The following UBE2G1 variants were observed in gnomAD, a reference collection of about 807,000 sequenced individuals.
UBE2G1 encodes ubiquitin-conjugating enzyme E2 G1.
A neutral mutation model predicts 22.7 loss-of-function variants in UBE2G1; 5 were observed. The ratio of observed to expected loss-of-function variants is 0.22; its 90% CI spans 0.12 to 0.46. UBE2G1 has a LOEUF of 0.46. UBE2G1 is among the 20% of genes least tolerant of loss of function. The pLI is 0.99. For synonymous variants in UBE2G1, 74 were observed against 67.5 expected, an observed-to-expected ratio of 1.10 and a Z score of -0.47; for missense variants, 88 against 203.9, an observed-to-expected ratio of 0.43 and a Z score of 3.46.
intron 4 of UBE2G1, among the ~76,000 whole-genome samples, 177 bp from the exon 5 acceptor site, chr17:4,283,098 C>T (rs149524892): frequency 5.5e-4 from 84 of 152,300 alleles, no homozygotes; most frequent in Middle Eastern, 3.4e-3. Flanking sequence ...CCAGGATATA[C>T]AGGCAGAAAT....
At chr17:4,284,536 G>A (rs1168836201) in intron 4 of UBE2G1, among the ~76,000 whole-genome samples, 3 of 151,614 alleles carry the variant, frequency 2.0e-5, no homozygotes, top group African/African-American at 7.3e-5. Flanking sequence ...GGGAGGCAAA[G>A]GTTGCAGTGA....
intron 5 of UBE2G1, among the ~76,000 whole-genome samples, chr17:4,281,898 C>A (rs1024549441): frequency 2.0e-5 from 3 of 152,128 alleles, no homozygotes. Context: ...GACCAAATAA[C>A]CCACATGTGA....
chr17:4,276,188 G>T (rs564179709), intron 5 of UBE2G1, among the ~76,000 whole-genome samples: 1 of 151,828 alleles, frequency 6.6e-6, no homozygotes, highest in South Asian at 2.1e-4. Context: ...TCCCACTGAA[G>T]CCCCCCCGCC....
At chr17:4,303,086 G>A (rs1969204833) in intron 2 of UBE2G1, among the ~76,000 whole-genome samples, 1 of 152,032 alleles carries the variant, frequency 6.6e-6, no homozygotes, top group African/African-American at 2.4e-5. Context: ...AAAAAATTGT[G>A]ACAGACATTC....
chr17:4,302,052 G>C (rs1166835464), intron 2 of UBE2G1: 1 of 499,678 alleles, frequency 2.0e-6, no homozygotes, highest in African/African-American at 2.0e-5. Context: ...AAAAAAGGGG[G>C]GGGAAGTTTT....
At position 4,289,350 on chromosome 17, in the gene UBE2G1, A is replaced by G. The variant is rs201891793; in HGVS notation, c.306T>C (p.Tyr102=). ...SILHEPGEDK[Y]GYEKPEERWL... Reference sequence around the variant, plus strand: ...AGCGTTCCTCTGGCTTTTCATAACCATACTTATCTTCCCCAGGCTCATGAA... The same window carrying G: ...AGCGTTCCTCTGGCTTTTCATAACCGTACTTATCTTCCCCAGGCTCATGAA... The change falls in exon 4 of 6, where the codon TAT becomes TAC. Residue 102 remains tyrosine, a synonymous_variant. Coordinates refer to ENST00000396981, the MANE Select transcript of UBE2G1 (RefSeq NM_003342.5). 10 of 1,595,702 alleles carry G rather than the reference A, an allele frequency of 6.3e-6. No individual in the cohort carries two copies. The East Asian group carries it at 1.8e-4, about 29-fold the overall frequency.
intron 1 of UBE2G1, among the ~76,000 whole-genome samples, chr17:4,331,030 A>G (rs1420135603): frequency 2.0e-5 from 3 of 147,082 alleles, no homozygotes; most frequent in Admixed American, 1.4e-4. Flanking sequence ...CAAGGTGTTC[A>G]CCTTTCTTGG....
chr17:4,366,167 G>T, intron 1 of UBE2G1, 104 bp downstream of exon 1: 1 of 1,248,862 alleles, frequency 8.0e-7, no homozygotes, highest in Non-Finnish European at 1.1e-6. Flanking sequence ...GCAGGCCCGG[G>T]CCCCTTCGGC....
At chr17:4,363,970 A>T (rs1399196273) in intron 1 of UBE2G1, among the ~76,000 whole-genome samples, 1 of 148,092 alleles carries the variant, frequency 6.8e-6, no homozygotes, top group Non-Finnish European at 1.5e-5. Flanking sequence ...AAAAAAAAAA[A>T]AAAAAAAGAT....
chr17:4,347,415 T>C (rs1381681537), intron 1 of UBE2G1, among the ~76,000 whole-genome samples: 1 of 151,726 alleles, frequency 6.6e-6, no homozygotes, highest in Non-Finnish European at 1.5e-5. Context: ...TCCAACATCA[T>C]GTGCTCACTT....
rs186798826 is a variant in UBE2G1, at chr17:4,313,327, G to A, written c.47-6204C>T. Among the ~76,000 whole-genome samples, 10 of 152,270 alleles carry A rather than the reference G, an allele frequency of 6.6e-5. No individual in the cohort carries two copies. In the East Asian group the frequency reaches 1.7e-3, roughly 26 times the overall value. On this transcript the variant is annotated intron_variant, in intron 1 of 5. Transcript: ENST00000396981. ...ACTGGGAAAGAATATTTGCAAAATA[G>A]GGAGAAGTTTAAAATTCCTAATACA...
intron 1 of UBE2G1, among the ~76,000 whole-genome samples, chr17:4,331,172 T>C (rs1290652796): frequency 6.6e-6 from 1 of 152,190 alleles, no homozygotes; most frequent in African/African-American, 2.4e-5. Flanking sequence ...AGCAAAGCCT[T>C]TCTAGAAGGC....
At chr17:4,345,844 AG>A (rs1461619905) in intron 1 of UBE2G1, 2 of 152,214 alleles carry the variant, frequency 1.3e-5, no homozygotes, top group East Asian at 1.9e-4. Context: ...AACAGATTCC[AG>A]GGACTCAAAA....
At chr17:4,362,992 G>A (rs1310561984) in intron 1 of UBE2G1, among the ~76,000 whole-genome samples, 2 of 152,084 alleles carry the variant, frequency 1.3e-5, no homozygotes, top group African/African-American at 4.8e-5. Context: ...ACACAGTGGA[G>A]GGCTTCTGTA....
intron 1 of UBE2G1, among the ~76,000 whole-genome samples, chr17:4,342,098 C>A (rs2143799297): frequency 6.6e-6 from 1 of 152,312 alleles, no homozygotes; most frequent in Non-Finnish European, 1.5e-5. Flanking sequence ...TAAGCTAAAC[C>A]TCCTCACTGA....
chr17:4,362,920 C>T (rs1023275087), intron 1 of UBE2G1, among the ~76,000 whole-genome samples: 2 of 151,956 alleles, frequency 1.3e-5, no homozygotes, highest in Admixed American at 6.6e-5. Flanking sequence ...GTCAGGAGTT[C>T]GAGACCAGCC....
chr17:4,293,964 C>CAA lies in UBE2G1; in HGVS notation c.247+2751_247+2752dup, dbSNP rs1339743142. 4.6e-5 allele frequency among the ~76,000 whole-genome samples: 7 copies of CAA among 152,148 alleles called. No homozygotes were observed. In the East Asian group the frequency reaches 1.3e-3, roughly 29 times the overall value. ...CCAATCTTCTATGAGTGTAATCTTT[C>CAA]AAGAAGGAAAATATAAGAGAAACCT... On this transcript the variant is annotated intron_variant, in intron 3 of 5. Transcript: ENST00000396981.
At chr17:4,290,051 C>T (rs1969015345) in intron 3 of UBE2G1, among the ~76,000 whole-genome samples, 1 of 151,960 alleles carries the variant, frequency 6.6e-6, no homozygotes. Flanking sequence ...TTTTAGGAGA[C>T]ATGTATTGAC....
intron 2 of UBE2G1, among the ~76,000 whole-genome samples, chr17:4,300,570 TA>T (rs1279308840): frequency 1.3e-5 from 2 of 151,858 alleles, no homozygotes; most frequent in African/African-American, 2.4e-5. Context: ...AATAAATAAA[TA>T]AAATAAAATT....
Sources: gnomAD v4.1 joint callset for allele counts (sites outside exome capture counted in the v4.1 genomes callset) on GRCh38, gnomAD v4.1.1 for gene constraint, MANE v1.5 for transcripts, NCBI Gene and HGNC (gene_info 2026-07-23, HGNC 2026-07-21) for gene names.